The following SEMA5B variants were observed in gnomAD, a reference collection of about 807,000 sequenced individuals.
The protein encoded by SEMA5B is semaphorin-5B.
SEMA5B carries 66 observed loss-of-function variants against 135.0 expected under a neutral mutation model. The observed-to-expected ratio is 0.49, with a 90% CI of 0.40 to 0.60. The LOEUF (loss-of-function observed/expected upper bound fraction) is 0.60. SEMA5B is among the 20% of genes least tolerant of loss of function. SEMA5B has a pLI of 0.00. For missense variants in SEMA5B, 1,501 were observed against 1,566.3 expected (o/e 0.96, Z 0.70); for synonymous variants, 690 against 639.5 (o/e 1.08, Z -1.19).
intron 1 of SEMA5B, among the ~76,000 whole-genome samples, chr3:123,011,691 A>G (rs1369388780): frequency 6.6e-6 from 1 of 152,194 alleles, no homozygotes; most frequent in Non-Finnish European, 1.5e-5. Context: ...TAACAGAGGA[A>G]CAGGCACCAA....
chr3:122,998,069 G>A (rs1236745120), intron 1 of SEMA5B, among the ~76,000 whole-genome samples: 1 of 152,188 alleles, frequency 6.6e-6, no homozygotes, highest in African/African-American at 2.4e-5. Flanking sequence ...CAGCAGCAAG[G>A]CCACAGCCTG....
At position 122,996,013 on chromosome 3, in the gene SEMA5B, C is replaced by T. The variant is rs527879779; in HGVS notation, c.-39+31451G>A. On this transcript the variant is annotated intron_variant, in intron 1 of 22. Coordinates refer to ENST00000357599, the MANE Select transcript of SEMA5B (RefSeq NM_001031702.4). ...AGATGGCTTGGAGGTGCTCCGAACA[C>T]CTCAGAACACAGCCTGAGATCACAG... Among the ~76,000 whole-genome samples the T allele has an allele frequency of 3.2e-4, 49 of 152,362 alleles. 1 individual carries two copies. The South Asian group carries it at 9.9e-3, about 31-fold the overall frequency.
intron 1 of SEMA5B, among the ~76,000 whole-genome samples, chr3:123,025,289 C>T (rs150000716): frequency 1.1e-4 from 16 of 152,200 alleles, no homozygotes; most frequent in African/African-American, 3.6e-4. Flanking sequence ...TTTTTTAACC[C>T]TTCCTCTCCT....
chr3:122,983,418 C>T (rs1941590995), intron 1 of SEMA5B, among the ~76,000 whole-genome samples: 1 of 152,028 alleles, frequency 6.6e-6, no homozygotes, highest in Non-Finnish European at 1.5e-5. Flanking sequence ...GAAGCTGGAG[C>T]CTCACCTTGT....
At chr3:122,990,336 T>C (rs1418848540) in intron 1 of SEMA5B, among the ~76,000 whole-genome samples, 2 of 152,156 alleles carry the variant, frequency 1.3e-5, no homozygotes, top group Non-Finnish European at 2.9e-5. Context: ...AAGGAAATAC[T>C]TCCTAAGCAG....
At chr3:122,940,641 C>G (rs546485650) in intron 4 of SEMA5B, among the ~76,000 whole-genome samples, 18 of 152,238 alleles carry the variant, frequency 1.2e-4, no homozygotes, top group Non-Finnish European at 2.4e-4. Flanking sequence ...AAGAGGGCCC[C>G]TGCTGAAGGA....
rs1283470470 is a variant in SEMA5B, at chr3:122,921,636, A to G, written c.1688+279T>C. ...ACTGGCCCTAGCTATGTGTTTGACAACAGGGATAACAACAGCCACCCACCA... is the reference window on the plus strand; with the variant it reads ...ACTGGCCCTAGCTATGTGTTTGACAGCAGGGATAACAACAGCCACCCACCA... On this transcript the variant is annotated intron_variant, in intron 12 of 22. Transcript: ENST00000357599. Among the ~76,000 whole-genome samples, 4 of 152,246 alleles carry G rather than the reference A, an allele frequency of 2.6e-5. No individual in the cohort carries two copies. In the East Asian group the frequency reaches 5.8e-4, roughly 22 times the overall value.
intron 6 of SEMA5B, 48 bp downstream of exon 6, chr3:122,928,948 C>T (rs1444897747): frequency 6.3e-7 from 1 of 1,579,708 alleles, no homozygotes; most frequent in Non-Finnish European, 8.7e-7. Flanking sequence ...CAACCACAGG[C>T]CTCCTTCCAG....
chr3:122,981,200 A>G lies in SEMA5B; in HGVS notation c.-38-19899T>C, dbSNP rs943416140. ...GGGGACTGCCCTCCCTCCCTTTAGG[A>G]TTAGTTCTCAGACCATTCTGTGCAT... On this transcript the variant is annotated intron_variant, in intron 1 of 22. Transcript: ENST00000357599. Among the ~76,000 whole-genome samples the G allele has an allele frequency of 1.7e-4, 26 of 152,246 alleles. 1 individual carries two copies. In the East Asian group the frequency reaches 5.0e-3, roughly 29 times the overall value.
chr3:122,913,025 G>A lies in SEMA5B; in HGVS notation c.2543C>T (p.Ser848Phe), dbSNP rs1218106096. 3.1e-6 allele frequency: 5 copies of A among 1,587,342 alleles called. No homozygotes were observed. The highest frequency in any genetic ancestry group is 1.1e-5 in the South Asian group (1 of 88,366). ...CCAGCCCCCGCTCACCGTGTGCGGGGAGGTGCTCCCGCTGCGCAGGAGGAC... is the reference window on the plus strand; with the variant it reads ...CCAGCCCCCGCTCACCGTGTGCGGGAAGGTGCTCCCGCTGCGCAGGAGGAC... ...VEVLLRSGST[S>F]PHTVSGGWAA... The change falls in exon 18 of 23, where the codon TCC becomes TTC. Residue 848 changes from serine (S) to phenylalanine (F), a missense_variant. Around this residue, in one of 2 missense-constraint regions of SEMA5B, gnomAD observed 927 missense variants for 881.6 expected, o/e 1.05. Transcript: ENST00000357599.
At chr3:122,938,503 A>G (rs1939406842) in intron 5 of SEMA5B, among the ~76,000 whole-genome samples, 1 of 152,168 alleles carries the variant, frequency 6.6e-6, no homozygotes, top group Non-Finnish European at 1.5e-5. Context: ...CAGCTCCCCA[A>G]GAAGGTCTCC....
intron 14 of SEMA5B, among the ~76,000 whole-genome samples, chr3:122,915,226 C>G (rs1450005644): frequency 6.6e-6 from 1 of 152,194 alleles, no homozygotes; most frequent in East Asian, 1.9e-4. Context: ...CATCAAGAGT[C>G]ACCAAGAGAT....
chr3:122,997,013 G>A (rs1033024704), intron 1 of SEMA5B, among the ~76,000 whole-genome samples: 1 of 152,188 alleles, frequency 6.6e-6, no homozygotes, highest in Non-Finnish European at 1.5e-5. Context: ...CCCCAGGGAA[G>A]GGAAGCCCCG....
chr3:122,974,398 G>T (rs564291775), intron 1 of SEMA5B, among the ~76,000 whole-genome samples: 1 of 152,236 alleles, frequency 6.6e-6, no homozygotes, highest in African/African-American at 2.4e-5. Flanking sequence ...GTGCACACTC[G>T]CCTGCGCACA....
chr3:122,975,351 G>A (rs1018437872), intron 1 of SEMA5B: 1 of 152,626 alleles, frequency 6.6e-6, no homozygotes, highest in African/African-American at 2.4e-5. Flanking sequence ...GAGCCCCTGA[G>A]CCAGGGAACA....
At chr3:123,026,159 G>A (rs1284154383) in intron 1 of SEMA5B, among the ~76,000 whole-genome samples, 2 of 152,202 alleles carry the variant, frequency 1.3e-5, no homozygotes, top group Non-Finnish European at 2.9e-5. Flanking sequence ...AGGGGCTGAA[G>A]GAAAAAGATG....
chr3:122,983,220 C>T (rs1454249887), intron 1 of SEMA5B, among the ~76,000 whole-genome samples: 2 of 152,274 alleles, frequency 1.3e-5, no homozygotes, highest in African/African-American at 4.8e-5. Context: ...CCTTTATTTC[C>T]CTGCCTCCAA....
chr3:122,913,603 G>T lies in SEMA5B; in HGVS notation c.2211C>A (p.Asn737Lys). The T allele has an allele frequency of 6.2e-7, 1 of 1,613,464 alleles. No individual in the cohort carries two copies. Among genetic ancestry groups the T allele is most frequent in the Non-Finnish European group, 8.5e-7 (1 of 1,179,958 alleles). ...SWGSWSKCSSNCGGGMQSRRR... is the reference protein window; with the variant it reads ...SWGSWSKCSSKCGGGMQSRRR... ...GCCGCGACTGCATGCCCCCTCCACA[G>T]TTGCTGCTGCACTTGCTCCAGGAGC... Residue 737 changes from asparagine to lysine, a missense_variant, in exon 16 of 23, where the codon AAC (asparagine) becomes AAA (lysine). By Grantham distance (94) the Asn-to-Lys change is moderately conservative (BLOSUM62 0). Around this residue, in one of 2 missense-constraint regions of SEMA5B, gnomAD observed 927 missense variants for 881.6 expected, o/e 1.05. Coordinates refer to ENST00000357599, the MANE Select transcript of SEMA5B (RefSeq NM_001031702.4).
At chr3:122,975,959 A>C (rs1306315196) in intron 1 of SEMA5B, 1 of 1,531,438 alleles carries the variant, frequency 6.5e-7, no homozygotes, top group African/African-American at 1.4e-5. Flanking sequence ...TCCTCAACAC[A>C]TCCCAAATCT....
Sources: allele counts gnomAD v4.1 joint callset (sites outside exome capture counted in the v4.1 genomes callset), GRCh38; gene constraint gnomAD v4.1.1; regional missense constraint gnomAD v4.1.1; transcripts MANE v1.5; gene names NCBI Gene and HGNC (gene_info 2026-07-23, HGNC 2026-07-21).